Variants in STAG3 observed in about 807,000 individuals in gnomAD.
STAG3 encodes the protein cohesin subunit SA-3.
STAG3 carries 101 observed loss-of-function variants against 160.7 expected under a neutral mutation model. The ratio of observed to expected loss-of-function variants is 0.63; its 90% CI spans 0.54 to 0.74. The LOEUF is 0.74. STAG3 is among the 30% of genes least tolerant of loss of function. The pLI is 0.00. For missense variants in STAG3, 1,188 were observed against 1,517.4 expected, an observed-to-expected ratio of 0.78 and a Z score of 3.61; for synonymous variants, 519 against 585.0, an observed-to-expected ratio of 0.89 and a Z score of 1.63.
At chr7:100,211,903 C>T (rs1402357393) in intron 32 of STAG3, 27 bp downstream of exon 32, 18 of 1,607,972 alleles carry the variant, frequency 1.1e-5, no homozygotes, top group Non-Finnish European at 1.5e-5. Flanking sequence ...GCCCTTCTCT[C>T]TCAAGAACTA....
chr7:100,179,551 C>T (rs1799510379), intron 1 of STAG3, among the ~76,000 whole-genome samples: 3 of 151,082 alleles, frequency 2.0e-5, no homozygotes, highest in South Asian at 4.2e-4. Flanking sequence ...AAAGAAAATA[C>T]CTATGAGTTA....
At chr7:100,217,615 G>A (rs540423517), downstream of STAG3, among the ~76,000 whole-genome samples, 41 of 152,174 alleles carry the variant, frequency 2.7e-4, no homozygotes, top group Non-Finnish European at 3.8e-4. Context: ...ATGCCTGACC[G>A]CGCTGCTATT....
intron 29 of STAG3, among the ~76,000 whole-genome samples, chr7:100,209,541 GAAC>G (rs1263343522): frequency 3.3e-5 from 5 of 152,184 alleles, no homozygotes; most frequent in African/African-American, 4.8e-5. Flanking sequence ...GGATTTTGAG[GAAC>G]GACAGGATCA....
rs869049727 is a variant in STAG3, at chr7:100,179,263, G to GT, written c.-64-1217dup. On this transcript the variant is annotated intron_variant, in intron 1 of 33. Transcript: ENST00000615138. ...CTGGTGTGTACCTTGCTTGGGTTTT[G>GT]TTTTTTTTTTTTTGGGTGTGTCTCA... Among the ~76,000 whole-genome samples, 565 of 134,684 alleles carry GT rather than the reference G, an allele frequency of 4.2e-3. 3 individuals carry two copies. The highest frequency in any genetic ancestry group is 6.7e-3 in the African/African-American group (248 of 36,788). The allele number at this position is 134,684 out of a possible 152,430, so 88.4% of individuals were successfully genotyped here. A position where few individuals can be genotyped will look rare whatever the true frequency, so the allele number is the denominator to read the frequency against.
rs962805298 is a variant in STAG3, at chr7:100,213,622, C to T, written c.3601-113C>T. The T allele has an allele frequency of 4.5e-6, 7 of 1,555,918 alleles. No homozygotes were observed. In the Admixed American group the frequency reaches 7.5e-5, roughly 17 times the overall value. ...TCCCTCCCAGGAGGTGCCATAGGGG[C>T]CTGCTGTGCCCATATTTGTTCTTAT... On this transcript the variant is annotated intron_variant, in intron 32 of 33. Transcript: ENST00000615138.
intron 32 of STAG3, chr7:100,212,423 C>T (rs1234288246): frequency 6.6e-6 from 1 of 152,104 alleles, no homozygotes; most frequent in East Asian, 1.9e-4. Context: ...GCTTTTACCC[C>T]TCCTCAGCCT....
chr7:100,203,951 G>T, intron 25 of STAG3, 70 bp from the exon 26 acceptor site: 1 of 984,576 alleles, frequency 1.0e-6, no homozygotes, highest in Non-Finnish European at 1.6e-6. Context: ...CATGATTAGG[G>T]ATGTGAAGGA....
intron 29 of STAG3, among the ~76,000 whole-genome samples, chr7:100,208,111 G>A (rs982032647): frequency 6.6e-6 from 1 of 150,620 alleles, no homozygotes; most frequent in Non-Finnish European, 1.5e-5. Flanking sequence ...GCGAGATACT[G>A]TCTCAGAAAA....
At position 100,189,057 on chromosome 7, in the gene STAG3, T is replaced by A. The variant is rs374807631; in HGVS notation, c.715+41T>A. ...TACTCTGGACATTCTCCTGGGGATT[T>A]ATAGGACTTTCCTCTGTTCTCTGAT... On this transcript the variant is annotated intron_variant, in intron 7 of 33. Transcript: ENST00000615138. 59 of 1,605,056 alleles carry A rather than the reference T, an allele frequency of 3.7e-5. 1 individual carries two copies. In the African/African-American group the frequency reaches 3.9e-4, roughly 11 times the overall value.
At chr7:100,217,573 C>T (rs1802870452), downstream of STAG3, among the ~76,000 whole-genome samples, 1 of 152,170 alleles carries the variant, frequency 6.6e-6, no homozygotes, top group African/African-American at 2.4e-5. Context: ...GGACCACTAC[C>T]ACCTAGACGC....
At chr7:100,210,914 A>G in intron 29 of STAG3, 97 bp from the exon 30 acceptor site, 1 of 1,331,020 alleles carries the variant, frequency 7.5e-7, no homozygotes, top group Non-Finnish European at 1.0e-6. Flanking sequence ...TCTCTTCCTG[A>G]TTGACTTTCC....
chr7:100,200,084 G>T, intron 16 of STAG3, 152 bp from the exon 17 acceptor site: 2 of 514,484 alleles, frequency 3.9e-6, no homozygotes, highest in Non-Finnish European at 6.7e-6. Flanking sequence ...AAAAAAAAAG[G>T]AGTTTCATTT....
At chr7:100,197,514 C>A (rs1800766459) in intron 10 of STAG3, 7 of 681,304 alleles carry the variant, frequency 1.0e-5, no homozygotes, top group Non-Finnish European at 1.6e-5. Flanking sequence ...AGAGACTTTC[C>A]CATGGAAGAG....
intron 8 of STAG3, among the ~76,000 whole-genome samples, chr7:100,194,806 T>C (rs1209537491): frequency 1.3e-5 from 2 of 152,130 alleles, no homozygotes; most frequent in African/African-American, 2.4e-5. Context: ...TAAAAAAATA[T>C]GTAACATTAA....
intron 5 of STAG3, among the ~76,000 whole-genome samples, chr7:100,186,996 G>A (rs1325251655): frequency 6.6e-6 from 1 of 151,976 alleles, no homozygotes; most frequent in Non-Finnish European, 1.5e-5. Flanking sequence ...TAAGAAATCA[G>A]CATCTGGCTT....
rs763332996 is a variant in STAG3 at position 100,205,390 on chromosome 7, G to T, written c.3238+6G>T. The T allele has an allele frequency of 1.9e-6, 3 of 1,609,646 alleles. No individual in the cohort carries two copies. The highest frequency in any genetic ancestry group is 2.5e-6 in the Non-Finnish European group (3 of 1,178,020). On this transcript the variant is annotated splice_donor_region_variant and intron_variant, in intron 29 of 33. Transcript: ENST00000615138. ...CAAGAGGAGGCGCGTTGAAGGTAGGGTGCTGTGTGTGGGTATGGGGGTGCC... is the reference window on the plus strand; with the variant it reads ...CAAGAGGAGGCGCGTTGAAGGTAGGTTGCTGTGTGTGGGTATGGGGGTGCC...
In STAG3 at chr7:100,213,739, C is replaced by T. The variant is rs1802501974; in HGVS notation, c.3605C>T (p.Ala1202Val). The change falls in exon 33 of 34, where the codon GCA becomes GTA. Residue 1202 changes from alanine (A) to valine (V), a missense_variant. Physicochemically the swap from Ala to Val is moderately conservative, Grantham distance 64 (BLOSUM62 0). Around this residue, in one of 4 missense-constraint regions of STAG3, gnomAD observed 647 missense variants for 717.2 expected, o/e 0.90. Transcript: ENST00000615138. Reference protein sequence around the residue: ...NEERQDTDMQASSYSSTSERG... With the variant: ...NEERQDTDMQVSSYSSTSERG... ...TTTTAACCTCATTCTCTCTAGCAAG[C>T]AAGTAGCTACTCTTCCACCAGTGAG... The T allele has an allele frequency of 1.2e-6, 2 of 1,614,234 alleles. No homozygotes were observed. Among genetic ancestry groups the T allele is most frequent in the Non-Finnish European group, 1.7e-6 (2 of 1,180,028 alleles).
downstream of STAG3, among the ~76,000 whole-genome samples, chr7:100,215,450 A>C (rs549014085): frequency 3.9e-5 from 6 of 152,228 alleles, no homozygotes; most frequent in South Asian, 1.2e-3. Flanking sequence ...GGGGAAGGCT[A>C]ACTCATTGAG....
At chr7:100,211,320 T>C (rs1264764688) in intron 30 of STAG3, 115 bp from the exon 31 acceptor site, 1 of 1,473,986 alleles carries the variant, frequency 6.8e-7, no homozygotes, top group South Asian at 1.2e-5. Context: ...CCCTTCTCCA[T>C]TGTTTAGCTT....
Sources: gnomAD v4.1 joint callset for allele counts (sites outside exome capture counted in the v4.1 genomes callset) on GRCh38, gnomAD v4.1.1 for gene constraint, gnomAD v4.1.1 regional missense constraint, MANE v1.5 for transcripts, NCBI Gene and HGNC (gene_info 2026-07-23, HGNC 2026-07-21) for gene names.